The following RGL3 variants were observed in gnomAD, a reference collection of about 807,000 sequenced individuals.
The protein encoded by RGL3 is ral guanine nucleotide dissociation stimulator like 3, also known as ral guanine nucleotide dissociation stimulator-like 3.
RGL3 carries 85 observed loss-of-function variants against 90.6 expected under a neutral mutation model. That is an observed-to-expected ratio of 0.94 (90% CI 0.79 to 1.12). The LOEUF (loss-of-function observed/expected upper bound fraction) is 1.12, where lower values mean the gene tolerates loss of function less well. Among genes scored for constraint, RGL3 ranks in the 50% most tolerant of loss-of-function variants. The pLI, the probability that RGL3 is intolerant of heterozygous loss-of-function variation, is 0.00. For synonymous variants in RGL3, 408 were observed against 385.5 expected (o/e 1.06, Z -0.68); for missense variants, 1,034 against 939.2 (o/e 1.10, Z -1.32).
chr19:11,404,832 A>G (rs540213930), intron 9 of RGL3, among the ~76,000 whole-genome samples: 1 of 152,336 alleles, frequency 6.6e-6, no homozygotes, highest in East Asian at 1.9e-4. Context: ...AGTTTTGCTT[A>G]TCAAGGTAAA....
At chr19:11,408,836 TCTA>T (rs1320309173) in intron 5 of RGL3, 1 of 152,230 alleles carries the variant, frequency 6.6e-6, no homozygotes, top group Non-Finnish European at 1.5e-5. Flanking sequence ...AACTCCTTGT[TCTA>T]CTCTTTCCCC....
In RGL3 at chr19:11,414,464, C is replaced by CATATATAT. The variant is rs1226288918; in HGVS notation, c.637+1465_637+1472dup. On this transcript the variant is annotated intron_variant, in intron 5 of 18. Transcript: ENST00000380456. ...ATATATACATATATATATATACCTT[C>CATATATAT]ATATATATATATATATATACACCTT... is the stretch of plus-strand genomic sequence containing the variant. Among the ~76,000 whole-genome samples, 22 of 43,266 alleles carry CATATATAT rather than the reference C, an allele frequency of 5.1e-4. 1 individual carries two copies. Among genetic ancestry groups the CATATATAT allele is most frequent in the Non-Finnish European group, 7.8e-4 (19 of 24,260 alleles). The allele number at this position is 43,266 out of a possible 152,430, so 28.4% of individuals were successfully genotyped here. A position where few individuals can be genotyped will look rare whatever the true frequency, so the allele number is the denominator to read the frequency against.
At chr19:11,418,958 C>T (rs984745142) in intron 1 of RGL3, 174 bp from the exon 2 acceptor site, 1 of 625,680 alleles carries the variant, frequency 1.6e-6, no homozygotes, top group South Asian at 2.0e-5. Flanking sequence ...CGCTGCGGGT[C>T]CCCTCCTCCC....
rs1376953259 is a variant in RGL3 at position 11,400,314 on chromosome 19, T to C, written c.1485-17A>G. On this transcript the variant is annotated splice_polypyrimidine_tract_variant and intron_variant, in intron 13 of 18. Coordinates refer to ENST00000380456, the MANE Select transcript of RGL3 (RefSeq NM_001035223.4). ...AGCCGGTAGCTGAGGGGTCAATATG[T>C]GGATGAGGTGGTGGGGGCAGGAAAT... 3.2e-6 allele frequency: 5 copies of C among 1,548,698 alleles called. No homozygotes were observed. The highest frequency in any genetic ancestry group is 4.4e-6 in the Non-Finnish European group (5 of 1,146,146).
chr19:11,418,778 G>A lies in RGL3; in HGVS notation c.40C>T (p.Leu14=), dbSNP rs866919901. Residue 14 remains leucine (L), a synonymous_variant, in exon 2 of 19, where the codon CTG becomes TTG. Transcript: ENST00000380456. ...TAGKELALAP[L]QDWGEETEDG... is the part of the protein sequence containing the mutation. ...TCGGTCTCTTCACCCCAGTCCTGCAGCGGTGCCTGGACGCACAGGCGGACT... is the reference window on the plus strand; with the variant it reads ...TCGGTCTCTTCACCCCAGTCCTGCAACGGTGCCTGGACGCACAGGCGGACT... 1 of 1,547,686 alleles carries A rather than the reference G, an allele frequency of 6.5e-7. No homozygotes were observed. The highest frequency in any genetic ancestry group is 2.4e-5 in the East Asian group (1 of 41,640).
intron 5 of RGL3, among the ~76,000 whole-genome samples, chr19:11,415,302 C>T (rs1017014456): frequency 1.3e-5 from 2 of 151,814 alleles, no homozygotes. Context: ...CTGCACTGAG[C>T]CATGATGGAG....
intron 5 of RGL3, among the ~76,000 whole-genome samples, 185 bp downstream of exon 5, chr19:11,415,752 G>A (rs1968981126): frequency 6.6e-6 from 1 of 151,592 alleles, no homozygotes; most frequent in Non-Finnish European, 1.5e-5. Context: ...TGGGATACAG[G>A]CGTGAGCCAC....
chr19:11,419,231 C>T lies in RGL3; in HGVS notation c.33+15G>A. The T allele has an allele frequency of 6.3e-7, 1 of 1,592,726 alleles. No individual in the cohort carries two copies. The highest frequency in any genetic ancestry group is 8.5e-7 in the Non-Finnish European group (1 of 1,170,688). On this transcript the variant is annotated intron_variant, in intron 1 of 18. Transcript: ENST00000380456. ...CACCAGGGATGCGGGGTCCGGGGAT[C>T]CCTTGTCCCCTTACCAGGGCCAGCT...
At chr19:11,398,762 C>G (rs901998315) in intron 16 of RGL3, among the ~76,000 whole-genome samples, 2 of 151,908 alleles carry the variant, frequency 1.3e-5, no homozygotes, top group African/African-American at 4.9e-5. Context: ...CCTCCGTCTC[C>G]TGGGTTCAAG....
intron 5 of RGL3, among the ~76,000 whole-genome samples, chr19:11,410,613 T>C (rs1968858297): frequency 6.6e-6 from 1 of 151,488 alleles, no homozygotes; most frequent in Non-Finnish European, 1.5e-5. Context: ...GCCCAGGAGG[T>C]CAAGGCTGCA....
intron 13 of RGL3, among the ~76,000 whole-genome samples, chr19:11,401,226 ATTTTT>A (rs1051265868): frequency 7.7e-6 from 1 of 130,684 alleles, no homozygotes; most frequent in African/African-American, 2.9e-5. Flanking sequence ...AATTGTGACT[ATTTTT>A]TTTTTTTTTT....
At chr19:11,394,576 C>T (rs1968532944) in intron 18 of RGL3, 56 bp from the exon 19 acceptor site, 6 of 1,380,318 alleles carry the variant, frequency 4.3e-6, no homozygotes, top group African/African-American at 2.8e-5. Context: ...GTCACCCCCA[C>T]AGAGGACCCG....
chr19:11,412,876 G>T (rs1205679237), intron 5 of RGL3, among the ~76,000 whole-genome samples: 4 of 152,112 alleles, frequency 2.6e-5, no homozygotes, highest in African/African-American at 9.7e-5. Context: ...TGAGGCAGGA[G>T]AATCACTTGA....
intron 3 of RGL3, 56 bp downstream of exon 3, chr19:11,416,780 G>C: frequency 6.2e-7 from 1 of 1,601,292 alleles, no homozygotes; most frequent in Non-Finnish European, 8.6e-7. Flanking sequence ...GGTGGAGGGG[G>C]GTGCCCAGTT....
Position 11,414,520 on chromosome 19 carries a change from T to C in RGL3, c.637+1417A>G, listed in dbSNP as rs1490306048. On this transcript the variant is annotated intron_variant, in intron 5 of 18. Coordinates refer to ENST00000380456, the MANE Select transcript of RGL3 (RefSeq NM_001035223.4). ...ATATATATATATATATATATATATATATATATATACCTTTATATATATATA... is the reference window on the plus strand; with the variant it reads ...ATATATATATATATATATATATATACATATATATACCTTTATATATATATA... Among the ~76,000 whole-genome samples the C allele has an allele frequency of 2.5e-4, 28 of 113,478 alleles. 3 individuals are homozygous for C. Among genetic ancestry groups the C allele is most frequent in the African/African-American group, 1.0e-3 (28 of 27,646 alleles). The allele number at this position is 113,478 out of a possible 152,430, so 74.4% of individuals were successfully genotyped here. A position where few individuals can be genotyped will look rare whatever the true frequency, so the allele number is the denominator to read the frequency against.
chr19:11,416,110 T>C lies in RGL3; in HGVS notation c.464A>G (p.His155Arg). 6.3e-7 allele frequency: 1 copy of C among 1,597,970 alleles called. No homozygotes were observed. The highest frequency in any genetic ancestry group is 8.5e-7 in the Non-Finnish European group (1 of 1,173,054). The part of the protein sequence containing the change: ...VSVLGSWLQD[H>R]PQDFRDHPAH... The stretch of plus-strand genomic sequence containing the variant: ...AGGGTGGTCTCGGAAATCCTGAGGG[T>C]GGTCCTGCAGCCAGGAGCCCAGCAC... Residue 155 changes from histidine to arginine, a missense_variant, in exon 5 of 19, where the codon CAC (histidine) becomes CGC (arginine). Coordinates refer to ENST00000380456, the MANE Select transcript of RGL3 (RefSeq NM_001035223.4).
In RGL3 at chr19:11,402,231, A is replaced by G; in HGVS notation, c.1346T>C (p.Phe449Ser). 1 of 1,613,308 alleles carries G rather than the reference A, an allele frequency of 6.2e-7. No homozygotes were observed. Among genetic ancestry groups the G allele is most frequent in the Non-Finnish European group, 8.5e-7 (1 of 1,179,904 alleles). Residue 449 changes from phenylalanine to serine, a missense_variant, in exon 12 of 19, where the codon TTT becomes TCT. Phe to Ser is a radical substitution (Grantham distance 155). Transcript: ENST00000380456. ...TCCACTCACCTTCCTCCTCTTCTCA[A>G]AGTTAATGAGATCCCCCTGGGGGCA... ...PDMLEGDLIN[F>S]EKRRKEWEIL...
chr19:11,403,257 G>A (rs56679645), intron 9 of RGL3, among the ~76,000 whole-genome samples: 16 of 150,558 alleles, frequency 1.1e-4, no homozygotes, highest in African/African-American at 3.2e-4. Context: ...GGATGGTCTC[G>A]ATCTCCTGAC....
Position 11,419,307 on chromosome 19 carries a change from C to T in RGL3, c.-29G>A, listed in dbSNP as rs1969065610. 5.4e-6 allele frequency: 8 copies of T among 1,491,518 alleles called. No individual in the cohort carries two copies. Among genetic ancestry groups the T allele is most frequent in the African/African-American group, 1.4e-5 (1 of 69,830 alleles). The allele number at this position is 1,491,518 out of a possible 1,614,324, so 92.4% of individuals were successfully genotyped here. A position where few individuals can be genotyped will look rare whatever the true frequency, so the allele number is the denominator to read the frequency against. The stretch of plus-strand genomic sequence containing the variant: ...CGGCGCCCGTCCCTCTCAGTGGCGC[C>T]GCTGAGTGAGGCGGAAGGGCCGGCG... On this transcript the variant is annotated 5_prime_UTR_variant, in exon 1 of 19. Transcript: ENST00000380456.
Sources: gnomAD v4.1 joint callset for allele counts (sites outside exome capture counted in the v4.1 genomes callset) on GRCh38, gnomAD v4.1.1 for gene constraint, MANE v1.5 for transcripts, NCBI Gene and HGNC (gene_info 2026-07-23, HGNC 2026-07-21) for gene names.